CNTN5: variants seen among roughly 807,000 people sequenced by gnomAD.
CNTN5 encodes contactin-5.
CNTN5 carries 77 observed loss-of-function variants against 129.1 expected under a neutral mutation model. The observed-to-expected ratio is 0.60, with a 90% CI of 0.50 to 0.72. The LOEUF (loss-of-function observed/expected upper bound fraction) is 0.72. Among genes scored for constraint, CNTN5 ranks in the 30% least tolerant of loss-of-function variants. CNTN5 has a pLI of 0.00. For synonymous variants in CNTN5, 509 were observed against 465.6 expected, an observed-to-expected ratio of 1.09 and a Z score of -1.20; for missense variants, 1,478 against 1,328.8, an observed-to-expected ratio of 1.11 and a Z score of -1.75.
chr11:99,592,584 G>A (rs1950011633), intron 3 of CNTN5, among the ~76,000 whole-genome samples: 1 of 151,702 alleles, frequency 6.6e-6, no homozygotes, highest in East Asian at 1.9e-4. Context: ...ATCATGAGTA[G>A]AGAAAATTCC....
intron 3 of CNTN5, among the ~76,000 whole-genome samples, chr11:99,698,067 T>C (rs536665244): frequency 2.0e-5 from 3 of 149,778 alleles, no homozygotes; most frequent in Non-Finnish European, 4.5e-5. Flanking sequence ...TTAGTGTTTT[T>C]TTTTTTAACT....
intron 3 of CNTN5, among the ~76,000 whole-genome samples, chr11:99,557,170 T>C (rs1189226797): frequency 6.6e-6 from 1 of 151,220 alleles, no homozygotes; most frequent in African/African-American, 2.4e-5. Context: ...TTATACTAAA[T>C]ATATTTTTAA....
chr11:100,114,558 G>C (rs1945775185), intron 13 of CNTN5, among the ~76,000 whole-genome samples: 1 of 152,052 alleles, frequency 6.6e-6, no homozygotes, highest in Admixed American at 6.6e-5. Context: ...GCTCGCCTTT[G>C]TCCATTGTTT....
At position 99,463,148 on chromosome 11, in the gene CNTN5, A is replaced by AAAT. The variant is rs756861193; in HGVS notation, c.-70-92997_-70-92996insAAT. 1.3e-3 allele frequency among the ~76,000 whole-genome samples: 87 copies of AAAT among 67,426 alleles called. 1 individual carries two copies. Among genetic ancestry groups the AAAT allele is most frequent in the Admixed American group, 3.8e-3 (27 of 7,016 alleles). 44.2% of individuals were successfully genotyped at this position (67,426 alleles called of 152,430 possible). ...ATAAATAAATAAATAAATAAATAAA[A>AAAT]GTAAAAAAGTCCAGGCGCGGTGACT... On this transcript the variant is annotated intron_variant, in intron 2 of 24. Coordinates refer to ENST00000524871, the MANE Select transcript of CNTN5 (RefSeq NM_014361.4).
At chr11:100,185,152 C>A (rs1192610394) in intron 13 of CNTN5, among the ~76,000 whole-genome samples, 1 of 152,124 alleles carries the variant, frequency 6.6e-6, no homozygotes. Flanking sequence ...TCAGGTACGT[C>A]TTTATACCAG....
intron 1 of CNTN5, among the ~76,000 whole-genome samples, chr11:99,186,946 T>A (rs923579854): frequency 6.6e-6 from 1 of 151,844 alleles, no homozygotes; most frequent in East Asian, 1.9e-4. Context: ...AAATGAGGGT[T>A]GAGCAGCCAG....
At chr11:99,753,275 A>G (rs560410448) in intron 3 of CNTN5, among the ~76,000 whole-genome samples, 1 of 151,688 alleles carries the variant, frequency 6.6e-6, no homozygotes, top group Non-Finnish European at 1.5e-5. Flanking sequence ...GGTGCCCGCC[A>G]CCATGCCCGG....
At chr11:100,129,721 T>C (rs982531885) in intron 13 of CNTN5, among the ~76,000 whole-genome samples, 4 of 152,190 alleles carry the variant, frequency 2.6e-5, no homozygotes, top group Non-Finnish European at 5.9e-5. Context: ...CACAGAGGAT[T>C]ATCTTAGTGC....
At chr11:99,681,653 C>T (rs1745764434) in intron 3 of CNTN5, among the ~76,000 whole-genome samples, 1 of 151,940 alleles carries the variant, frequency 6.6e-6, no homozygotes, top group Admixed American at 6.6e-5. Context: ...ATTTTTGTGG[C>T]TGTATTGCAA....
At chr11:99,149,193 C>T (rs931171811) in intron 1 of CNTN5, among the ~76,000 whole-genome samples, 2 of 152,028 alleles carry the variant, frequency 1.3e-5, no homozygotes, top group East Asian at 3.9e-4. Context: ...TCATTAGATC[C>T]CAAGTTCATA....
Position 99,844,790 on chromosome 11 carries a change from A to G in CNTN5, c.278-62A>G. ...TGAATATAAGTAAGATGGAAAAGAA[A>G]AAAACACAAAATATCTTGCTAGTTT... is the stretch of plus-strand genomic sequence containing the variant. On this transcript the variant is annotated intron_variant, in intron 4 of 24. Coordinates refer to ENST00000524871, the MANE Select transcript of CNTN5 (RefSeq NM_014361.4). The G allele has an allele frequency of 2.0e-6, 3 of 1,518,308 alleles. No homozygotes were observed. The South Asian group carries it at 3.8e-5, about 19-fold the overall frequency. 94.1% of individuals were successfully genotyped at this position (1,518,308 alleles called of 1,614,324 possible).
intron 6 of CNTN5, among the ~76,000 whole-genome samples, chr11:99,883,202 A>G (rs1231955633): frequency 6.6e-6 from 1 of 152,126 alleles, no homozygotes; most frequent in Non-Finnish European, 1.5e-5. Context: ...TGTCACTTTG[A>G]CATACTGATT....
intron 13 of CNTN5, among the ~76,000 whole-genome samples, chr11:100,185,776 G>A (rs1346642013): frequency 6.6e-6 from 1 of 152,156 alleles, no homozygotes; most frequent in African/African-American, 2.4e-5. Context: ...TGCCACACAT[G>A]TGCACTGAGG....
intron 2 of CNTN5, among the ~76,000 whole-genome samples, chr11:99,525,757 T>C (rs1453804608): frequency 6.6e-6 from 1 of 152,258 alleles, no homozygotes; most frequent in Admixed American, 6.5e-5. Context: ...CAATAGAGTC[T>C]TGAGCGTGAA....
chr11:99,733,132 C>T (rs1238661902), intron 3 of CNTN5, among the ~76,000 whole-genome samples: 11 of 151,500 alleles, frequency 7.3e-5, no homozygotes, highest in Admixed American at 1.3e-4. Context: ...GAGACAAGCC[C>T]GGTCAAGATG....
intron 3 of CNTN5, among the ~76,000 whole-genome samples, chr11:99,597,968 T>A (rs752716766): frequency 6.6e-6 from 1 of 152,128 alleles, no homozygotes; most frequent in Non-Finnish European, 1.5e-5. Flanking sequence ...GCAGAAATAG[T>A]AAGCCCTCAT....
At chr11:99,135,429 A>G (rs1859168350) in intron 1 of CNTN5, among the ~76,000 whole-genome samples, 1 of 152,130 alleles carries the variant, frequency 6.6e-6, no homozygotes. Context: ...AAGAAATAGC[A>G]AGTACAAAGA....
intron 9 of CNTN5, among the ~76,000 whole-genome samples, chr11:100,015,395 G>T (rs143605498): frequency 6.6e-6 from 1 of 152,210 alleles, no homozygotes; most frequent in Non-Finnish European, 1.5e-5. Flanking sequence ...AACAAACTGT[G>T]ATAACTTGCT....
intron 3 of CNTN5, among the ~76,000 whole-genome samples, chr11:99,663,416 C>T (rs562673704): frequency 6.6e-6 from 1 of 152,242 alleles, no homozygotes; most frequent in East Asian, 1.9e-4. Context: ...TGTAGTGGGC[C>T]AAGATGGTGC....
Sources: gnomAD v4.1 joint callset for allele counts (sites outside exome capture counted in the v4.1 genomes callset) on GRCh38, gnomAD v4.1.1 for gene constraint, MANE v1.5 for transcripts, NCBI Gene and HGNC (gene_info 2026-07-23, HGNC 2026-07-21) for gene names.